PRKG1: variants seen among roughly 807,000 people sequenced by gnomAD.
The protein encoded by PRKG1 is cGMP-dependent protein kinase 1.
In PRKG1, 35 loss-of-function variants were observed where a neutral mutation model predicts 88.1. The ratio of observed to expected loss-of-function variants is 0.40; its 90% CI spans 0.30 to 0.53. The LOEUF (loss-of-function observed/expected upper bound fraction) is 0.53, where lower values mean the gene tolerates loss of function less well. Among genes scored for constraint, PRKG1 ranks in the 20% least tolerant of loss-of-function variants. The pLI, the probability that PRKG1 is intolerant of heterozygous loss-of-function variation, is 0.59. For synonymous variants in PRKG1, 303 were observed against 292.5 expected (o/e 1.04, Z -0.37); for missense variants, 540 against 839.8 (o/e 0.64, Z 4.41).
chr10:52,125,433 A>T (rs1252530690), intron 7 of PRKG1, among the ~76,000 whole-genome samples: 1 of 152,096 alleles, frequency 6.6e-6, no homozygotes, highest in African/African-American at 2.4e-5. Flanking sequence ...GCTGAATGAG[A>T]TCCTCCCTAT....
intron 3 of PRKG1, among the ~76,000 whole-genome samples, chr10:51,701,647 T>G (rs1841469916): frequency 6.6e-6 from 1 of 150,444 alleles, no homozygotes; most frequent in African/African-American, 2.5e-5. Context: ...ATACCATCAC[T>G]TTACAAAGAG....
intron 3 of PRKG1, among the ~76,000 whole-genome samples, chr10:51,589,490 G>A (rs1838254763): frequency 6.6e-6 from 1 of 152,076 alleles, no homozygotes; most frequent in Non-Finnish European, 1.5e-5. Context: ...TGGGTGTGGT[G>A]GCATGTGCCT....
intron 7 of PRKG1, among the ~76,000 whole-genome samples, chr10:52,067,199 A>G (rs550525067): frequency 2.0e-5 from 3 of 152,270 alleles, no homozygotes; most frequent in Non-Finnish European, 4.4e-5. Context: ...CAAACTATAT[A>G]GTTTTTATAC....
At position 51,597,252 on chromosome 10, in the gene PRKG1, C is replaced by T. The variant is rs547239492; in HGVS notation, c.592+129416C>T. On this transcript the variant is annotated intron_variant, in intron 3 of 17. Coordinates refer to ENST00000373980, the MANE Select transcript of PRKG1 (RefSeq NM_006258.4). ...CTACATACTCTTTTTAAAAGAATTC[C>T]CTTTAATTCATTGTTGGTAAAACAT... Among the ~76,000 whole-genome samples the T allele has an allele frequency of 1.4e-4, 22 of 151,946 alleles. No homozygotes were observed. The South Asian group carries it at 4.6e-3, about 32-fold the overall frequency.
chr10:50,997,141 G>A (rs6479840), intron 1 of PRKG1, among the ~76,000 whole-genome samples: 136,002 of 152,238 alleles, frequency 0.89, 60,898 homozygotes, highest in African/African-American at 0.95. Flanking sequence ...AAAGGATCTC[G>A]GAAATAAGAC....
At chr10:52,166,830 T>C (rs1438961900) in intron 9 of PRKG1, among the ~76,000 whole-genome samples, 3 of 1,522 alleles carry the variant, frequency 2.0e-3, no homozygotes, top group African/African-American at 2.5e-3. Flanking sequence ...TATATATATG[T>C]ATATATATGT....
chr10:51,244,654 A>C (rs983955109), intron 2 of PRKG1, among the ~76,000 whole-genome samples: 5 of 152,222 alleles, frequency 3.3e-5, no homozygotes, highest in Admixed American at 2.6e-4. Context: ...TGTATTTTCA[A>C]ATTACTGGAA....
At chr10:51,255,419 A>G (rs917483505) in intron 2 of PRKG1, among the ~76,000 whole-genome samples, 8 of 152,168 alleles carry the variant, frequency 5.3e-5, no homozygotes, top group Non-Finnish European at 4.4e-5. Flanking sequence ...AGCAGATAAC[A>G]GAAAACTCTG....
chr10:52,115,809 G>A (rs1049640088), intron 7 of PRKG1, among the ~76,000 whole-genome samples: 9 of 152,166 alleles, frequency 5.9e-5, no homozygotes, highest in Non-Finnish European at 8.8e-5. Context: ...GGCTCAGGGT[G>A]TATATTCAGA....
At chr10:51,394,090 T>G (rs1278861163) in intron 2 of PRKG1, among the ~76,000 whole-genome samples, 2 of 152,212 alleles carry the variant, frequency 1.3e-5, no homozygotes. Context: ...AGAGCAGGTC[T>G]TCTGATTATT....
At chr10:52,179,398 A>T (rs1004217178) in intron 9 of PRKG1, among the ~76,000 whole-genome samples, 2 of 152,028 alleles carry the variant, frequency 1.3e-5, no homozygotes, top group Admixed American at 1.3e-4. Context: ...TACTTTTGGT[A>T]CTTTGACTAT....
chr10:51,757,009 C>G (rs909312999), intron 3 of PRKG1, among the ~76,000 whole-genome samples: 1 of 151,946 alleles, frequency 6.6e-6, no homozygotes, highest in African/African-American at 2.4e-5. Flanking sequence ...TTGCAAGAAA[C>G]TGAGAAAAAT....
intron 2 of PRKG1, among the ~76,000 whole-genome samples, chr10:51,432,459 C>A (rs1313078235): frequency 1.3e-5 from 2 of 152,026 alleles, no homozygotes; most frequent in African/African-American, 2.4e-5. Context: ...AGAGTGAAAG[C>A]TTAGGGAGTT....
intron 1 of PRKG1, among the ~76,000 whole-genome samples, chr10:51,093,842 C>T (rs1002690867): frequency 4.0e-5 from 6 of 148,950 alleles, no homozygotes; most frequent in African/African-American, 1.5e-4. Context: ...ACACGCCATG[C>T]ACTCAGGTAC....
chr10:51,014,960 T>A (rs1843039053), intron 1 of PRKG1, among the ~76,000 whole-genome samples: 1 of 152,210 alleles, frequency 6.6e-6, no homozygotes, highest in Non-Finnish European at 1.5e-5. Flanking sequence ...GCAAAGTTGA[T>A]GTTTTTACTT....
chr10:51,396,395 G>GAA (rs140267547), intron 2 of PRKG1, among the ~76,000 whole-genome samples: 1 of 141,812 alleles, frequency 7.1e-6, no homozygotes, highest in Admixed American at 7.0e-5. Flanking sequence ...AACTGTCACT[G>GAA]AAAAAAAAAA....
chr10:51,702,502 T>G (rs1170447726), intron 3 of PRKG1, among the ~76,000 whole-genome samples: 2 of 152,190 alleles, frequency 1.3e-5, no homozygotes, highest in African/African-American at 4.8e-5. Flanking sequence ...AGTTTAAATT[T>G]TAGATATTTA....
At chr10:51,830,394 A>G (rs1166381958) in intron 4 of PRKG1, among the ~76,000 whole-genome samples, 1 of 152,052 alleles carries the variant, frequency 6.6e-6, no homozygotes, top group Non-Finnish European at 1.5e-5. Flanking sequence ...TGATTCTTTA[A>G]TTATATATGG....
chr10:52,097,177 C>G (rs937339442), intron 7 of PRKG1, among the ~76,000 whole-genome samples: 12 of 152,144 alleles, frequency 7.9e-5, no homozygotes, highest in African/African-American at 2.9e-4. Flanking sequence ...GGGTCCCTCC[C>G]ACTCTAGGCA....
Sources: gnomAD v4.1 joint callset for allele counts (sites outside exome capture counted in the v4.1 genomes callset) on GRCh38, gnomAD v4.1.1 for gene constraint, MANE v1.5 for transcripts, NCBI Gene and HGNC (gene_info 2026-07-23, HGNC 2026-07-21) for gene names.